The following IGSF23 variants were observed in gnomAD, a reference collection of about 807,000 sequenced individuals.
The protein encoded by IGSF23 is immunoglobulin superfamily member 23, also known as immunoglobulin superfamily, member 23.
A neutral mutation model predicts 17.8 loss-of-function variants in IGSF23; 14 were observed. That is an observed-to-expected ratio of 0.79 (90% CI 0.52 to 1.23). The LOEUF is 1.23. Among genes scored for constraint, IGSF23 ranks in the 50% most tolerant of loss-of-function variants. The pLI, the probability that IGSF23 is intolerant of heterozygous loss-of-function variation, is 0.00. For synonymous variants in IGSF23, 85 were observed against 92.5 expected, an observed-to-expected ratio of 0.92 and a Z score of 0.46; for missense variants, 214 against 241.7, an observed-to-expected ratio of 0.89 and a Z score of 0.76.
chr19:44,624,919 A>C (rs1206692895), intron 2 of IGSF23, among the ~76,000 whole-genome samples: 2 of 151,144 alleles, frequency 1.3e-5, no homozygotes, highest in Non-Finnish European at 3.0e-5. Flanking sequence ...AAAAAAAAAA[A>C]AAACTAAAAA....
chr19:44,623,682 C>T (rs921846401), intron 1 of IGSF23, 25 bp from the exon 2 acceptor site: 4 of 1,549,798 alleles, frequency 2.6e-6, no homozygotes, highest in Non-Finnish European at 3.5e-6. Context: ...ACTCTTGTGG[C>T]CTTGTTCCCT....
Position 44,631,834 on chromosome 19 carries a change from G to A in IGSF23, c.546-3567G>A, listed in dbSNP as rs183282243. On this transcript the variant is annotated intron_variant, in intron 3 of 4. Coordinates refer to ENST00000402988, the MANE Select transcript of IGSF23 (RefSeq NM_001205280.2). ...TAAAAACGCCTTTAAGTGGTTTTCC[G>A]CCCTGGGTGGGCAAGGTGTTCCTTG... is the stretch of plus-strand genomic sequence containing the variant. Among the ~76,000 whole-genome samples the A allele has an allele frequency of 5.0e-3, 759 of 152,320 alleles. 4 individuals are homozygous for A. Among genetic ancestry groups the A allele is most frequent in the African/African-American group, 0.018 (730 of 41,552 alleles).
chr19:44,628,583 T>A (rs887010899), intron 3 of IGSF23, among the ~76,000 whole-genome samples: 1 of 151,800 alleles, frequency 6.6e-6, no homozygotes, highest in Non-Finnish European at 1.5e-5. Context: ...CATCTTGTCA[T>A]CTCTCTCAAA....
At chr19:44,620,339 TTTTG>T (rs1224588410) in intron 1 of IGSF23, among the ~76,000 whole-genome samples, 21 of 112,552 alleles carry the variant, frequency 1.9e-4, no homozygotes, top group African/African-American at 6.7e-4. Flanking sequence ...TGATGACTAA[TTTTG>T]TGTGTGTGTG....
Position 44,615,453 on chromosome 19 carries a change from G to A in IGSF23, c.125+1683G>A, listed in dbSNP as rs536737112. Among the ~76,000 whole-genome samples the A allele has an allele frequency of 3.3e-5, 5 of 151,608 alleles. No individual in the cohort carries two copies. The South Asian group carries it at 6.3e-4, about 19-fold the overall frequency. ...AGCCTGACCAACATGGAGAAACCCC[G>A]TCTCTACTAAAAACAGAAAATTAGC... On this transcript the variant is annotated intron_variant, in intron 1 of 4. Transcript: ENST00000402988.
chr19:44,623,547 G>A (rs888569569), intron 1 of IGSF23, among the ~76,000 whole-genome samples, 160 bp from the exon 2 acceptor site: 3 of 152,198 alleles, frequency 2.0e-5, no homozygotes, highest in Admixed American at 6.5e-5. Context: ...TGGACTGGGG[G>A]CACTGGGCAC....
At chr19:44,613,915 GA>G in intron 1 of IGSF23, 145 bp downstream of exon 1, 1 of 1,548,028 alleles carries the variant, frequency 6.5e-7, no homozygotes, top group African/African-American at 1.4e-5. Flanking sequence ...ACAGTCCCTG[GA>G]CAGAACACGA....
intron 1 of IGSF23, chr19:44,620,881 T>A (rs1972503615): frequency 6.6e-6 from 1 of 152,164 alleles, no homozygotes. Context: ...AGTTTCCCCA[T>A]CTGTGCAATG....
chr19:44,623,600 G>T, intron 1 of IGSF23, 107 bp from the exon 2 acceptor site: 1 of 1,147,252 alleles, frequency 8.7e-7, no homozygotes, highest in Non-Finnish European at 1.3e-6. Flanking sequence ...ATTAATGAAT[G>T]AATGAACACA....
intron 2 of IGSF23, among the ~76,000 whole-genome samples, chr19:44,624,778 T>A (rs1195074284): frequency 6.7e-6 from 1 of 149,786 alleles, no homozygotes. Context: ...ATCTAAGGAG[T>A]GGGCCAGGTG....
chr19:44,632,937 G>A (rs901481972), intron 3 of IGSF23, among the ~76,000 whole-genome samples: 18 of 152,188 alleles, frequency 1.2e-4, no homozygotes, highest in East Asian at 1.9e-4. Flanking sequence ...AATGAACCAC[G>A]TATGAAGAAT....
At chr19:44,633,644 T>C (rs567617174) in intron 3 of IGSF23, among the ~76,000 whole-genome samples, 1 of 152,338 alleles carries the variant, frequency 6.6e-6, no homozygotes, top group East Asian at 1.9e-4. Context: ...ATTGAGTGGG[T>C]TGAATTGGCC....
rs531809862 is a variant in IGSF23 at position 44,628,505 on chromosome 19, TG to T, written c.545+935del. On this transcript the variant is annotated intron_variant, in intron 3 of 4. Transcript: ENST00000402988. ...GCTCACACCTGTAATCCCAGCACTT[TG>T]GGAGGCCGAGGTGGGTAGATCACTC... Among the ~76,000 whole-genome samples, 272 of 152,208 alleles carry T rather than the reference TG, an allele frequency of 1.8e-3. 2 individuals carry two copies. Among genetic ancestry groups the T allele is most frequent in the Non-Finnish European group, 3.3e-3 (222 of 67,996 alleles).
chr19:44,635,008 G>T (rs957060776), intron 3 of IGSF23, among the ~76,000 whole-genome samples: 1 of 150,882 alleles, frequency 6.6e-6, no homozygotes, highest in African/African-American at 2.4e-5. Flanking sequence ...GCTACAGACC[G>T]GGGGGGCTTA....
At chr19:44,631,003 C>T (rs1023175773) in intron 3 of IGSF23, among the ~76,000 whole-genome samples, 1 of 151,882 alleles carries the variant, frequency 6.6e-6, no homozygotes, top group African/African-American at 2.4e-5. Flanking sequence ...AATTGTAATC[C>T]CAGCACTTTG....
rs140040980 is a variant in IGSF23, at chr19:44,628,410, G to A, written c.545+837G>A. ...CCCTCATGGAACTTGCATCCTGGTC[G>A]GGGACACCATCAAGAAACACAATGA... On this transcript the variant is annotated intron_variant, in intron 3 of 4. Transcript: ENST00000402988. Among the ~76,000 whole-genome samples, 933 of 152,212 alleles carry A rather than the reference G, an allele frequency of 6.1e-3. 9 individuals are homozygous for A. The highest frequency in any genetic ancestry group is 0.02 in the African/African-American group (822 of 41,524).
intron 1 of IGSF23, 83 bp downstream of exon 1, chr19:44,613,853 C>T (rs111463774): frequency 0.08 from 123,508 of 1,546,842 alleles, 5,249 homozygotes; most frequent in Middle Eastern, 0.13. Context: ...GCTGCAGACG[C>T]GACTGTACAG....
intron 3 of IGSF23, among the ~76,000 whole-genome samples, chr19:44,633,248 T>C (rs1372797193): frequency 6.6e-6 from 1 of 152,246 alleles, no homozygotes; most frequent in Non-Finnish European, 1.5e-5. Flanking sequence ...TTCTCTTTAC[T>C]CAGCGGCCAC....
At chr19:44,619,258 C>G (rs1290886284) in intron 1 of IGSF23, among the ~76,000 whole-genome samples, 3 of 152,168 alleles carry the variant, frequency 2.0e-5, no homozygotes, top group Non-Finnish European at 4.4e-5. Flanking sequence ...GCCCAAACAC[C>G]TTTACTGAGG....
Sources: gnomAD v4.1 joint callset for allele counts (sites outside exome capture counted in the v4.1 genomes callset) on GRCh38, gnomAD v4.1.1 for gene constraint, MANE v1.5 for transcripts, NCBI Gene and HGNC (gene_info 2026-07-23, HGNC 2026-07-21) for gene names.